SYTL3: variants seen among roughly 807,000 people sequenced by gnomAD.
SYTL3 encodes the protein synaptotagmin-like protein 3.
A neutral mutation model predicts 82.1 loss-of-function variants in SYTL3; 88 were observed. That is an observed-to-expected ratio of 1.07 (90% CI 0.90 to 1.28). The LOEUF (loss-of-function observed/expected upper bound fraction) is 1.28, where lower values mean the gene tolerates loss of function less well. Among genes scored for constraint, SYTL3 ranks in the 50% most tolerant of loss-of-function variants. The pLI, the probability that SYTL3 is intolerant of heterozygous loss-of-function variation, is 0.00. For missense variants in SYTL3, 831 were observed against 757.6 expected (o/e 1.10, Z -1.14); for synonymous variants, 311 against 289.4 (o/e 1.07, Z -0.76).
chr6:158,763,933 C>G (rs950693738), intron 17 of SYTL3, among the ~76,000 whole-genome samples: 4 of 151,968 alleles, frequency 2.6e-5, no homozygotes, highest in Non-Finnish European at 4.4e-5. Context: ...GTGGACAGCC[C>G]TCTGCTGTGA....
intron 13 of SYTL3, among the ~76,000 whole-genome samples, chr6:158,754,576 T>C (rs983139812): frequency 2.6e-5 from 4 of 152,112 alleles, no homozygotes; most frequent in African/African-American, 7.2e-5. Flanking sequence ...AAAAATTAGC[T>C]GGGCACAGTG....
intron 15 of SYTL3, among the ~76,000 whole-genome samples, 191 bp downstream of exon 15, chr6:158,760,936 A>G (rs572419897): frequency 1.3e-5 from 2 of 152,146 alleles, no homozygotes; most frequent in African/African-American, 2.4e-5. Context: ...GTAGTGGGGG[A>G]AACGGGTGAC....
chr6:158,670,568 C>T lies in SYTL3; in HGVS notation c.329+4955C>T, dbSNP rs1484692873. On this transcript the variant is annotated intron_variant, in intron 5 of 17. Transcript: ENST00000611299. ...AGGCTGAGGCGGGTGGATCACTTGACGTCAGGAGTTCAAGACCAGCCTGGC... is the reference window on the plus strand; with the variant it reads ...AGGCTGAGGCGGGTGGATCACTTGATGTCAGGAGTTCAAGACCAGCCTGGC... Among the ~76,000 whole-genome samples, 3 of 151,502 alleles carry T rather than the reference C, an allele frequency of 2.0e-5. No homozygotes were observed. The South Asian group carries it at 6.3e-4, about 32-fold the overall frequency.
upstream of SYTL3, among the ~76,000 whole-genome samples, chr6:158,645,643 C>T (rs765874006): frequency 6.6e-6 from 1 of 152,110 alleles, no homozygotes; most frequent in Non-Finnish European, 1.5e-5. Flanking sequence ...CCCATATGCT[C>T]GGGACCCCAG....
chr6:158,690,626 GA>G (rs1374638399), intron 6 of SYTL3, among the ~76,000 whole-genome samples: 1 of 151,874 alleles, frequency 6.6e-6, no homozygotes, highest in Admixed American at 6.6e-5. Flanking sequence ...TTAAAAACAA[GA>G]AAAAATGAGC....
intron 1 of SYTL3, among the ~76,000 whole-genome samples, chr6:158,651,100 C>T (rs1477411251): frequency 2.6e-5 from 4 of 152,174 alleles, no homozygotes; most frequent in African/African-American, 9.7e-5. Context: ...AGGTAAGTTA[C>T]TTAATCACTC....
rs111585055 is a variant in SYTL3 at position 158,691,220 on chromosome 6, G to A, written c.394+8231G>A. ...AAATTAGCTGGACATGGTGACACAC[G>A]CTTGTAATCCCAGCTGCTCGGGGGG... On this transcript the variant is annotated intron_variant, in intron 6 of 17. Transcript: ENST00000611299. Among the ~76,000 whole-genome samples the A allele has an allele frequency of 6.5e-3, 989 of 152,152 alleles. 11 individuals are homozygous for A. The highest frequency in any genetic ancestry group is 0.022 in the African/African-American group (919 of 41,502).
intron 6 of SYTL3, among the ~76,000 whole-genome samples, chr6:158,692,417 T>A (rs1780007201): frequency 6.6e-6 from 1 of 152,064 alleles, no homozygotes. Flanking sequence ...TCTCAATGAT[T>A]CATCATGTAA....
intron 10 of SYTL3, among the ~76,000 whole-genome samples, chr6:158,719,076 A>G (rs1783767677): frequency 6.6e-6 from 1 of 152,178 alleles, no homozygotes; most frequent in African/African-American, 2.4e-5. Flanking sequence ...AGATGATAAT[A>G]CCTGTTCTGC....
At chr6:158,657,842 T>TAC (rs34162873) in intron 2 of SYTL3, among the ~76,000 whole-genome samples, 102,700 of 151,456 alleles carry the variant, frequency 0.68, 35,436 homozygotes, top group African/African-American at 0.8. Flanking sequence ...TGAAACAAAA[T>TAC]AGTCTTCCTT....
chr6:158,658,811 C>T (rs1015275747), intron 2 of SYTL3, among the ~76,000 whole-genome samples: 2 of 152,088 alleles, frequency 1.3e-5, no homozygotes, highest in African/African-American at 2.4e-5. Flanking sequence ...CGCCTGTAGT[C>T]GCTACTACTC....
Position 158,696,268 on chromosome 6 carries a change from C to T in SYTL3, c.395-10962C>T, listed in dbSNP as rs145931896. Among the ~76,000 whole-genome samples the T allele has an allele frequency of 4.1e-4, 62 of 152,052 alleles. 1 individual carries two copies. The East Asian group carries it at 0.01, about 25-fold the overall frequency. ...AGGCTGGAGTACAGTGGTGCTATCT[C>T]GGCTGACTGCAATTTCTGCCTCCAG... On this transcript the variant is annotated intron_variant, in intron 6 of 17. Transcript: ENST00000611299.
chr6:158,740,341 C>T (rs1265438031), intron 11 of SYTL3, among the ~76,000 whole-genome samples: 1 of 152,064 alleles, frequency 6.6e-6, no homozygotes, highest in East Asian at 1.9e-4. Flanking sequence ...TTCTAGTCCT[C>T]TGGAGAAATT....
At chr6:158,667,150 TTTC>T (rs1227621162) in intron 5 of SYTL3, among the ~76,000 whole-genome samples, 6 of 152,342 alleles carry the variant, frequency 3.9e-5, no homozygotes, top group East Asian at 1.9e-4. Flanking sequence ...CTCAGCATTT[TTTC>T]TTCTTCTACC....
chr6:158,674,970 C>T (rs1777860661), intron 5 of SYTL3, among the ~76,000 whole-genome samples: 1 of 151,836 alleles, frequency 6.6e-6, no homozygotes, highest in South Asian at 2.1e-4. Context: ...CCCTGCCCGA[C>T]ACAGTTAGAG....
At chr6:158,651,030 T>G (rs1787942212) in intron 1 of SYTL3, among the ~76,000 whole-genome samples, 1 of 152,210 alleles carries the variant, frequency 6.6e-6, no homozygotes, top group Non-Finnish European at 1.5e-5. Flanking sequence ...ACTTAGCTGC[T>G]TTGCCTAAAT....
upstream of SYTL3, among the ~76,000 whole-genome samples, chr6:158,649,625 GCT>G (rs1255015621): frequency 3.3e-5 from 5 of 152,192 alleles, no homozygotes; most frequent in African/African-American, 4.8e-5. Flanking sequence ...AATCTTCATC[GCT>G]CTTGGCCTGG....
intron 6 of SYTL3, 67 bp downstream of exon 6, chr6:158,683,056 A>G (rs889074251): frequency 3.3e-6 from 4 of 1,209,888 alleles, no homozygotes; most frequent in Admixed American, 1.9e-5. Flanking sequence ...ATTTGATGTT[A>G]AGACTTTGGA....
intron 6 of SYTL3, among the ~76,000 whole-genome samples, chr6:158,692,257 C>CAA (rs571381475): frequency 0.047 from 1,519 of 32,180 alleles, 495 homozygotes; most frequent in Non-Finnish European, 0.065. Context: ...GACTCCGTCT[C>CAA]AAAAAAAAAA....
Sources: gnomAD v4.1 joint callset for allele counts (sites outside exome capture counted in the v4.1 genomes callset) on GRCh38, gnomAD v4.1.1 for gene constraint, MANE v1.5 for transcripts, NCBI Gene and HGNC (gene_info 2026-07-23, HGNC 2026-07-21) for gene names.